The following NDST3 variants were observed in gnomAD, a reference collection of about 807,000 sequenced individuals.
The protein encoded by NDST3 is bifunctional heparan sulfate N-deacetylase/N-sulfotransferase 3.
Under a neutral mutation model 96.1 loss-of-function variants are expected in NDST3, and 58 were observed. The ratio of observed to expected loss-of-function variants is 0.60; its 90% CI spans 0.49 to 0.75. The LOEUF (loss-of-function observed/expected upper bound fraction) is 0.75. Among genes scored for constraint, NDST3 ranks in the 30% least tolerant of loss-of-function variants. NDST3 has a pLI of 0.00. For missense variants in NDST3, 788 were observed against 1,034.2 expected (o/e 0.76, Z 3.27); for synonymous variants, 333 against 359.7 (o/e 0.93, Z 0.84).
At chr4:118,035,429 CTTT>C (rs1349827156) in intron 1 of NDST3, among the ~76,000 whole-genome samples, 2 of 105,228 alleles carry the variant, frequency 1.9e-5, no homozygotes, top group African/African-American at 5.9e-5. Context: ...GGGACACACA[CTTT>C]TTTTTTGTTT....
intron 2 of NDST3, among the ~76,000 whole-genome samples, chr4:118,065,579 C>A (rs1726246908): frequency 6.6e-6 from 1 of 151,996 alleles, no homozygotes; most frequent in South Asian, 2.1e-4. Context: ...GTTTTGAAAG[C>A]CAGTTGATTA....
intron 6 of NDST3, among the ~76,000 whole-genome samples, chr4:118,195,207 G>A (rs1737588837): frequency 1.3e-5 from 2 of 152,110 alleles, no homozygotes; most frequent in Admixed American, 1.3e-4. Flanking sequence ...TTTCATTGTA[G>A]AGATCATTTC....
At chr4:118,224,733 T>C (rs1739764580) in intron 7 of NDST3, 60 bp downstream of exon 7, 7 of 1,406,936 alleles carry the variant, frequency 5.0e-6, no homozygotes, top group African/African-American at 2.9e-5. Flanking sequence ...TTCTGTGAGA[T>C]ATCCCAAATT....
At chr4:118,129,020 A>G (rs1271093565) in intron 4 of NDST3, among the ~76,000 whole-genome samples, 1 of 151,990 alleles carries the variant, frequency 6.6e-6, no homozygotes, top group Non-Finnish European at 1.5e-5. Context: ...TTTCGGCAGT[A>G]TCAGTTGTAG....
chr4:118,065,719 G>A (rs1726258032), intron 2 of NDST3, among the ~76,000 whole-genome samples: 1 of 151,490 alleles, frequency 6.6e-6, no homozygotes, highest in Admixed American at 6.6e-5. Flanking sequence ...TGCCCTTATT[G>A]TATTGGCCTT....
chr4:118,183,641 A>G (rs889464845), intron 6 of NDST3, among the ~76,000 whole-genome samples: 1 of 152,152 alleles, frequency 6.6e-6, no homozygotes, highest in Non-Finnish European at 1.5e-5. Flanking sequence ...TTACACAACA[A>G]TCTTCAAGTG....
At position 118,095,553 on chromosome 4, in the gene NDST3, G is replaced by GTT. The variant is rs11448394; in HGVS notation, c.982-9455_982-9454dup. ...AACAGTACTCACAGTTGTACATTCT[G>GTT]TTTTTTTTTTTGTGGTTGTTGATGC... is the stretch of plus-strand genomic sequence containing the variant. On this transcript the variant is annotated intron_variant, in intron 2 of 13. Coordinates refer to ENST00000296499, the MANE Select transcript of NDST3 (RefSeq NM_004784.3). Among the ~76,000 whole-genome samples, 687 of 145,072 alleles carry GTT rather than the reference G, an allele frequency of 4.7e-3. 2 individuals carry two copies. Among genetic ancestry groups the GTT allele is most frequent in the Non-Finnish European group, 8.0e-3 (527 of 65,734 alleles).
rs542558983 is a variant in NDST3, at chr4:118,232,804, T to G, written c.1820-208T>G. Among the ~76,000 whole-genome samples, 6 of 152,308 alleles carry G rather than the reference T, an allele frequency of 3.9e-5. No individual in the cohort carries two copies. In the East Asian group the frequency reaches 1.2e-3, roughly 29 times the overall value. ...ATTGAAAGCCAGTTCTCTCAATCCC[T>G]GCAACAGGCCTCTTTTCACACCACA... On this transcript the variant is annotated intron_variant, in intron 8 of 13. Coordinates refer to ENST00000296499, the MANE Select transcript of NDST3 (RefSeq NM_004784.3).
At chr4:118,042,862 A>G (rs1249077154) in intron 1 of NDST3, among the ~76,000 whole-genome samples, 3 of 151,814 alleles carry the variant, frequency 2.0e-5, no homozygotes, top group Non-Finnish European at 2.9e-5. Flanking sequence ...AGCTTCACTA[A>G]TCTCTCTCTC....
intron 5 of NDST3, among the ~76,000 whole-genome samples, chr4:118,142,561 T>C (rs1388332047): frequency 3.3e-5 from 5 of 152,256 alleles, no homozygotes; most frequent in African/African-American, 1.2e-4. Context: ...GAACCAAATG[T>C]GCTTTAAGAC....
At chr4:118,242,274 C>G in intron 12 of NDST3, 125 bp downstream of exon 12, 1 of 558,634 alleles carries the variant, frequency 1.8e-6, no homozygotes, top group Non-Finnish European at 3.2e-6. Flanking sequence ...TTCAATTTGA[C>G]ATTAACCACG....
chr4:118,178,504 T>C (rs1167994448), intron 6 of NDST3, among the ~76,000 whole-genome samples: 1 of 152,060 alleles, frequency 6.6e-6, no homozygotes, highest in African/African-American at 2.4e-5. Flanking sequence ...ATCGCATGTG[T>C]CAGAATTTTC....
At chr4:118,089,943 T>C (rs1021713188) in intron 2 of NDST3, among the ~76,000 whole-genome samples, 10 of 151,926 alleles carry the variant, frequency 6.6e-5, no homozygotes, top group Non-Finnish European at 1.5e-4. Context: ...TGGAGATAAA[T>C]GTCAGCCCTG....
At chr4:118,254,631 A>G (rs1033940522) in intron 13 of NDST3, among the ~76,000 whole-genome samples, 43 of 152,164 alleles carry the variant, frequency 2.8e-4, no homozygotes, top group African/African-American at 1.0e-3. Flanking sequence ...AGTAGTTTCA[A>G]TATAACCATG....
chr4:118,140,000 A>G (rs1230348472), intron 5 of NDST3, among the ~76,000 whole-genome samples: 2 of 152,132 alleles, frequency 1.3e-5, no homozygotes, highest in Admixed American at 1.3e-4. Flanking sequence ...TGCTGCCTTT[A>G]TCCTGGCCTT....
intron 6 of NDST3, among the ~76,000 whole-genome samples, chr4:118,180,307 C>G (rs1736529765): frequency 6.6e-6 from 1 of 152,080 alleles, no homozygotes; most frequent in African/African-American, 2.4e-5. Context: ...ATCTTTATGA[C>G]CATGAGTATC....
At chr4:118,097,752 C>T (rs1377881057) in intron 2 of NDST3, among the ~76,000 whole-genome samples, 2 of 151,850 alleles carry the variant, frequency 1.3e-5, no homozygotes, top group African/African-American at 4.8e-5. Flanking sequence ...CACCAAGATT[C>T]AAAACAGTTT....
At chr4:118,170,624 G>A (rs1042482441) in intron 6 of NDST3, among the ~76,000 whole-genome samples, 4 of 152,168 alleles carry the variant, frequency 2.6e-5, no homozygotes, top group Admixed American at 1.3e-4. Context: ...AGCTACTTGG[G>A]AGGCTGAGGC....
intron 2 of NDST3, among the ~76,000 whole-genome samples, chr4:118,089,821 C>T (rs774558567): frequency 2.0e-5 from 3 of 151,814 alleles, no homozygotes; most frequent in Non-Finnish European, 4.4e-5. Flanking sequence ...ATTATTCATC[C>T]TGAGCAGATG....
Sources: allele counts gnomAD v4.1 joint callset (sites outside exome capture counted in the v4.1 genomes callset), GRCh38; gene constraint gnomAD v4.1.1; transcripts MANE v1.5; gene names NCBI Gene and HGNC (gene_info 2026-07-23, HGNC 2026-07-21).